RHBDD1: variants seen among roughly 807,000 people sequenced by gnomAD.
RHBDD1 encodes the protein rhomboid-related protein 4.
Under a neutral mutation model 36.3 loss-of-function variants are expected in RHBDD1, and 38 were observed. The ratio of observed to expected loss-of-function variants is 1.05; its 90% confidence interval spans 0.81 to 1.37. The LOEUF (loss-of-function observed/expected upper bound fraction) is 1.37. Ranked by LOEUF, RHBDD1 falls within the 40% of genes most tolerant of loss-of-function variation. RHBDD1 has a pLI of 0.00. For synonymous variants in RHBDD1, 151 were observed against 136.5 expected (o/e 1.11, Z -0.74); for missense variants, 393 against 377.6 (o/e 1.04, Z -0.34).
intron 8 of RHBDD1, among the ~76,000 whole-genome samples, chr2:226,969,824 G>A (rs531305386): frequency 3.1e-4 from 47 of 152,258 alleles, no homozygotes; most frequent in African/African-American, 6.7e-4. Flanking sequence ...TCTTCATAAT[G>A]CTAAATTTTT....
chr2:226,935,738 G>A (rs897256351), intron 8 of RHBDD1, among the ~76,000 whole-genome samples: 2 of 152,012 alleles, frequency 1.3e-5, no homozygotes, highest in Non-Finnish European at 2.9e-5. Flanking sequence ...GGGAGTTTTG[G>A]GAGATGTCAG....
At chr2:226,823,468 T>A in the RHBDD1 span, among the ~76,000 whole-genome samples, 1 of 152,232 alleles carries the variant, frequency 6.6e-6, no homozygotes. Context: ...CCCATGGCAC[T>A]TGAATACTGC....
At chr2:226,846,468 G>A (rs759457181) in intron 3 of RHBDD1, among the ~76,000 whole-genome samples, 5 of 152,164 alleles carry the variant, frequency 3.3e-5, no homozygotes, top group South Asian at 2.1e-4. Flanking sequence ...TGTAGGCCGC[G>A]TACAGTGTCT....
At chr2:226,886,978 A>C (rs1946272219) in intron 5 of RHBDD1, among the ~76,000 whole-genome samples, 1 of 152,142 alleles carries the variant, frequency 6.6e-6, no homozygotes, top group South Asian at 2.1e-4. Context: ...TAATAAATGA[A>C]GAGCTATATC....
At chr2:226,970,998 A>C (rs1285315746) in intron 8 of RHBDD1, among the ~76,000 whole-genome samples, 1 of 152,374 alleles carries the variant, frequency 6.6e-6, no homozygotes, top group African/African-American at 2.4e-5. Context: ...ATCATCATAT[A>C]TGTGAGTTGA....
the RHBDD1 span, among the ~76,000 whole-genome samples, chr2:226,821,530 T>G: frequency 6.6e-6 from 1 of 151,758 alleles, no homozygotes; most frequent in Non-Finnish European, 1.5e-5. Flanking sequence ...TTTTAATAAT[T>G]ATTTATTATT....
At chr2:226,847,022 G>T (rs906728391) in intron 3 of RHBDD1, among the ~76,000 whole-genome samples, 4 of 152,204 alleles carry the variant, frequency 2.6e-5, no homozygotes, top group African/African-American at 9.6e-5. Context: ...ATGTGGATAG[G>T]TATAGCTCAT....
chr2:226,824,574 A>G, the RHBDD1 span, among the ~76,000 whole-genome samples: 1 of 152,186 alleles, frequency 6.6e-6, no homozygotes, highest in Non-Finnish European at 1.5e-5. Context: ...ATTGTATGGG[A>G]TGTCAAAAAT....
chr2:226,976,919 A>G (rs961336114), intron 8 of RHBDD1, among the ~76,000 whole-genome samples: 2 of 152,264 alleles, frequency 1.3e-5, no homozygotes, highest in South Asian at 2.1e-4. Flanking sequence ...CCCTCCTCCC[A>G]TTGAAAGAGC....
rs758066417 is a variant in RHBDD1 at position 226,995,485 on chromosome 2, TGAG to T, written c.915_917del (p.Arg306del). 20 of 1,613,192 alleles carry T rather than the reference TGAG, an allele frequency of 1.2e-5. No homozygotes were observed. The highest frequency in any genetic ancestry group is 1.4e-5 in the Non-Finnish European group (17 of 1,179,670). On this transcript the variant is annotated inframe_deletion, in exon 9 of 9. Coordinates refer to ENST00000392062, the MANE Select transcript of RHBDD1 (RefSeq NM_001167608.3). Reference sequence around the variant, plus strand: ...GGGTTTCATCTCTCACCAGAAGAAATGAGGAGACAGCGGCTTCACAGATTCGAT... The same window carrying T: ...GGGTTTCATCTCTCACCAGAAGAAATGAGACAGCGGCTTCACAGATTCGAT...
intron 8 of RHBDD1, among the ~76,000 whole-genome samples, chr2:226,958,011 A>C (rs1951895105): frequency 6.6e-6 from 1 of 152,246 alleles, no homozygotes; most frequent in African/African-American, 2.4e-5. Context: ...TTAAACATAC[A>C]GTTTAACCTG....
intron 3 of RHBDD1, among the ~76,000 whole-genome samples, chr2:226,862,424 G>C (rs949203098): frequency 6.6e-6 from 1 of 151,044 alleles, no homozygotes; most frequent in South Asian, 2.1e-4. Context: ...GAATCCTTAG[G>C]GTATTAGAGT....
chr2:226,923,375 G>C (rs1244886592), intron 8 of RHBDD1, among the ~76,000 whole-genome samples: 2 of 152,108 alleles, frequency 1.3e-5, no homozygotes, highest in Non-Finnish European at 2.9e-5. Flanking sequence ...TTCCACTGAA[G>C]TCCGCTGTCA....
chr2:226,993,127 C>T (rs565225877), intron 8 of RHBDD1, among the ~76,000 whole-genome samples: 7 of 152,314 alleles, frequency 4.6e-5, no homozygotes, highest in South Asian at 2.1e-4. Flanking sequence ...AGCTGGACCT[C>T]GGGCATCTTC....
At chr2:226,868,642 T>C (rs571720155) in intron 5 of RHBDD1, among the ~76,000 whole-genome samples, 1 of 152,144 alleles carries the variant, frequency 6.6e-6, no homozygotes, top group Admixed American at 6.5e-5. Flanking sequence ...TGGTTTTGAT[T>C]TGTGTGACTG....
chr2:226,816,831 G>A, the RHBDD1 span, among the ~76,000 whole-genome samples: 1 of 151,508 alleles, frequency 6.6e-6, no homozygotes, highest in African/African-American at 2.4e-5. Flanking sequence ...AGGAGGCAAA[G>A]GTTGCAGTGG....
chr2:226,992,976 G>GTGAT (rs950360145), intron 8 of RHBDD1, among the ~76,000 whole-genome samples: 1 of 152,210 alleles, frequency 6.6e-6, no homozygotes, highest in Non-Finnish European at 1.5e-5. Flanking sequence ...GCTTTATAAA[G>GTGAT]AAGAGTGTGA....
intron 5 of RHBDD1, among the ~76,000 whole-genome samples, chr2:226,873,480 G>A (rs1025772114): frequency 1.3e-5 from 2 of 152,304 alleles, no homozygotes; most frequent in African/African-American, 4.8e-5. Flanking sequence ...ATGTTGCTGG[G>A]ACCCCTCCCA....
At chr2:226,811,797 C>T in the RHBDD1 span, among the ~76,000 whole-genome samples, 398 of 152,298 alleles carry the variant, frequency 2.6e-3, 1 homozygote, top group African/African-American at 8.5e-3. Context: ...CATAAGTCAC[C>T]AGTGCAAAAT....
Sources: gnomAD v4.1 joint callset for allele counts (sites outside exome capture counted in the v4.1 genomes callset) on GRCh38, gnomAD v4.1.1 for gene constraint, MANE v1.5 for transcripts, NCBI Gene and HGNC (gene_info 2026-07-23, HGNC 2026-07-21) for gene names.